Variants in GIGYF1 observed in about 807,000 individuals in gnomAD.
GIGYF1 encodes the protein GRB10-interacting GYF protein 1.
A neutral mutation model predicts 147.1 loss-of-function variants in GIGYF1; 84 were observed. The ratio of observed to expected loss-of-function variants is 0.57; its 90% CI spans 0.48 to 0.68. The LOEUF is 0.68. Among genes scored for constraint, GIGYF1 ranks in the 30% least tolerant of loss-of-function variants. The pLI, the probability that GIGYF1 is intolerant of heterozygous loss-of-function variation, is 0.00. For missense variants in GIGYF1, 1,485 were observed against 1,393.7 expected, an observed-to-expected ratio of 1.07 and a Z score of -1.04; for synonymous variants, 752 against 589.5, an observed-to-expected ratio of 1.28 and a Z score of -3.99.
chr7:100,688,367 A>T, intron 3 of GIGYF1, 60 bp from the exon 4 acceptor site: 1 of 808,774 alleles, frequency 1.2e-6, no homozygotes, highest in Non-Finnish European at 2.0e-6. Context: ...AAGCGCAGGG[A>T]GGACACCATG....
chr7:100,693,736 G>A (rs928054616), intron 1 of GIGYF1, among the ~76,000 whole-genome samples: 1 of 151,884 alleles, frequency 6.6e-6, no homozygotes, highest in Non-Finnish European at 1.5e-5. Context: ...CGACCGTTAG[G>A]AGCGCGGGGG....
At chr7:100,682,822 A>T in intron 22 of GIGYF1, 45 bp from the exon 23 acceptor site, 1 of 1,501,244 alleles carries the variant, frequency 6.7e-7, no homozygotes, top group Non-Finnish European at 8.9e-7. Flanking sequence ...AAGGCACCCC[A>T]GAAAAGCGGA....
At position 100,694,220 on chromosome 7, in the gene GIGYF1, G is replaced by A; in HGVS notation, c.-1209C>T. On this transcript the variant is annotated 5_prime_UTR_variant, in exon 1 of 27. Coordinates refer to ENST00000678049, the MANE Select transcript of GIGYF1 (RefSeq NM_001375765.1). ...GGGAGGGGGCGCTGGCGCTCCCGCGGCGGCCGCTCCTCTGTGTTTGTGTTT... is the reference window on the plus strand; with the variant it reads ...GGGAGGGGGCGCTGGCGCTCCCGCGACGGCCGCTCCTCTGTGTTTGTGTTT... Among the ~76,000 whole-genome samples the A allele has an allele frequency of 6.8e-6, 1 of 146,082 alleles. No homozygotes were observed. The highest frequency in any genetic ancestry group is 2.0e-4 in the East Asian group (1 of 5,058).
rs1806058139 is a variant in GIGYF1, at chr7:100,694,127, T to G, written c.-1116A>C. ...GCGCTTACCGCGGGCGGCGCGAGGG[T>G]CCGGTCCCGGGGCGTGGGCGGCGCG... On this transcript the variant is annotated 5_prime_UTR_variant, in exon 1 of 27. Coordinates refer to ENST00000678049, the MANE Select transcript of GIGYF1 (RefSeq NM_001375765.1). The G allele has an allele frequency of 7.1e-6, 1 of 140,282 alleles. No individual in the cohort carries two copies. The highest frequency in any genetic ancestry group is 2.6e-5 in the African/African-American group (1 of 38,250). 8.7% of individuals were successfully genotyped at this position (140,282 alleles called of 1,614,324 possible).
intron 1 of GIGYF1, among the ~76,000 whole-genome samples, chr7:100,691,506 A>AT (rs373899398): frequency 1.0e-4 from 15 of 147,686 alleles, no homozygotes; most frequent in East Asian, 4.0e-4. Context: ...AAAAGAATAG[A>AT]TTTTTTTTTT....
At chr7:100,686,962 G>A in intron 9 of GIGYF1, 44 bp downstream of exon 9, 1 of 1,610,876 alleles carries the variant, frequency 6.2e-7, no homozygotes. Flanking sequence ...CACCCATCTT[G>A]GTCCTCCCTG....
Position 100,683,892 on chromosome 7 carries a change from G to C in GIGYF1, c.1895C>G (p.Thr632Arg). The C allele has an allele frequency of 6.4e-7, 1 of 1,555,222 alleles. No individual in the cohort carries two copies. The highest frequency in any genetic ancestry group is 8.7e-7 in the Non-Finnish European group (1 of 1,149,024). Residue 632 changes from threonine (T) to arginine (R), a missense_variant, in exon 19 of 27, where the codon ACG becomes AGG. Physicochemically the swap from Thr to Arg is moderately conservative, Grantham distance 71 (BLOSUM62 -1). Transcript: ENST00000678049. ...TGGCACCGACAAGGACCGGCTCATC[G>C]TCGGGAGCAGGTTCTGGTCCCCGCC... is the stretch of plus-strand genomic sequence containing the variant. ...PRGGDQNLLP[T>R]MSRSLSVPDS...
chr7:100,686,024 T>C lies in GIGYF1; in HGVS notation c.1004A>G (p.Glu335Gly). The C allele has an allele frequency of 6.2e-7, 1 of 1,610,322 alleles. No individual in the cohort carries two copies. Among genetic ancestry groups the C allele is most frequent in the Non-Finnish European group, 8.5e-7 (1 of 1,179,110 alleles). The change falls in exon 12 of 27, where the codon GAG (glutamate) becomes GGG (glycine). Residue 335 changes from glutamate (E) to glycine (G), a missense_variant. Coordinates refer to ENST00000678049, the MANE Select transcript of GIGYF1 (RefSeq NM_001375765.1). ...EEQELDFQGL[E>G]EEEEPSEGLE... ...CCCTTCGGAAGGTTCCTCCTCCTCC[T>C]CCAACCCTTGGAAGTCCAGCTCCTG...
At chr7:100,692,697 A>G (rs903724492) in intron 1 of GIGYF1, among the ~76,000 whole-genome samples, 2 of 152,230 alleles carry the variant, frequency 1.3e-5, no homozygotes, top group Non-Finnish European at 2.9e-5. Context: ...AAGTTTAAGC[A>G]CATGGTCCAC....
rs767607568 is a variant in GIGYF1, at chr7:100,687,836, G to A, written c.213C>T (p.Asp71=). 54 of 1,611,284 alleles carry A rather than the reference G, an allele frequency of 3.4e-5. No individual in the cohort carries two copies. Among genetic ancestry groups the A allele is most frequent in the South Asian group, 1.4e-4 (13 of 91,030 alleles). Residue 71 remains aspartate (D), a synonymous_variant, in exon 6 of 27, where the codon GAC becomes GAT. Coordinates refer to ENST00000678049, the MANE Select transcript of GIGYF1 (RefSeq NM_001375765.1). ...CCAGAGCCAGGGGCTGCAGTGGCTC[G>A]TCCTGCAGCACCGCGGCGAACTCCT... is the stretch of plus-strand genomic sequence containing the variant. ...QDKEFAAVLQ[D]EPLQPLALEP...
chr7:100,685,574 C>A lies in GIGYF1; in HGVS notation c.1055-93G>T. On this transcript the variant is annotated intron_variant, in intron 12 of 26. Transcript: ENST00000678049. ...CTTGAGTGTGGCTGGAACCGCGGGT[C>A]ACACTCCCTTAGGCCGAGTCCACCA... The A allele has an allele frequency of 2.1e-6, 3 of 1,417,390 alleles. No individual in the cohort carries two copies. The South Asian group carries it at 3.8e-5, about 18-fold the overall frequency. The allele number at this position is 1,417,390 out of a possible 1,614,324, so 87.8% of individuals were successfully genotyped here. A position where few individuals can be genotyped will look rare whatever the true frequency, so the allele number is the denominator to read the frequency against.
At chr7:100,684,646 C>G in intron 15 of GIGYF1, 30 bp from the exon 16 acceptor site, 2 of 1,613,640 alleles carry the variant, frequency 1.2e-6, no homozygotes, top group Non-Finnish European at 1.7e-6. Flanking sequence ...GCGGGAGAAC[C>G]ACTGGGGTCA....
chr7:100,686,762 T>C lies in GIGYF1; in HGVS notation c.581A>G (p.Asp194Gly). Residue 194 changes from aspartate to glycine, a missense_variant, in exon 10 of 27, where the codon GAC becomes GGC. By Grantham distance (94) the Asp-to-Gly change is moderately conservative. Transcript: ENST00000678049. ...CCGTAGGGAGCGCCAGTTCTCGCTG[T>C]CTGAGCGGGCGTGCTCCTTCCTTGG... ...AGPRKEHARS[D>G]SENWRSLREE... 1 of 1,614,030 alleles carries C rather than the reference T, an allele frequency of 6.2e-7. No homozygotes were observed. The highest frequency in any genetic ancestry group is 1.1e-5 in the South Asian group (1 of 91,084).
chr7:100,683,556 T>C lies in GIGYF1; in HGVS notation c.2046A>G (p.Gln682=). The C allele has an allele frequency of 6.2e-7, 1 of 1,614,182 alleles. No homozygotes were observed. The highest frequency in any genetic ancestry group is 8.5e-7 in the Non-Finnish European group (1 of 1,179,974). ...CCCCAGGATGCCCACTCACTTTATGTTGCAGCTGGAGTTGTTCTAGAATTG... is the reference window on the plus strand; with the variant it reads ...CCCCAGGATGCCCACTCACTTTATGCTGCAGCTGGAGTTGTTCTAGAATTG... ...QGPILEQLQL[Q]HKFQERREVE... The change falls in exon 20 of 27, where the codon CAA becomes CAG. Residue 682 remains glutamine (Q), a synonymous_variant. Coordinates refer to ENST00000678049, the MANE Select transcript of GIGYF1 (RefSeq NM_001375765.1).
rs777870724 is a variant in GIGYF1, at chr7:100,682,250, A to G, written c.2762-15T>C. 5 of 1,609,190 alleles carry G rather than the reference A, an allele frequency of 3.1e-6. No homozygotes were observed. The South Asian group carries it at 5.5e-5, about 18-fold the overall frequency. Reference sequence around the variant, plus strand: ...AGCCATGGGCACTGCAGGATGAGCGAAGGCTGTCAGGGCCCCCTGGCCGGG... The same window carrying G: ...AGCCATGGGCACTGCAGGATGAGCGGAGGCTGTCAGGGCCCCCTGGCCGGG... On this transcript the variant is annotated splice_polypyrimidine_tract_variant and intron_variant, in intron 24 of 26. Transcript: ENST00000678049.
At chr7:100,690,810 C>T (rs1805771239) in intron 1 of GIGYF1, among the ~76,000 whole-genome samples, 3 of 141,742 alleles carry the variant, frequency 2.1e-5, no homozygotes, top group South Asian at 2.3e-4. Flanking sequence ...AAATTTAAAG[C>T]GATGGCCTCA....
chr7:100,687,779 CG>C lies in GIGYF1; in HGVS notation c.261+8del. 2 of 1,611,366 alleles carry C rather than the reference CG, an allele frequency of 1.2e-6. No homozygotes were observed. The highest frequency in any genetic ancestry group is 1.7e-6 in the Non-Finnish European group (2 of 1,179,570). On this transcript the variant is annotated splice_region_variant and intron_variant, in intron 6 of 26. Transcript: ENST00000678049. ...GCTCCCGCAGCCTCAGCTCCTGGCCCGGTCCCACCTGTTCCTCCTCAGTCAG... is the reference window on the plus strand; with the variant it reads ...GCTCCCGCAGCCTCAGCTCCTGGCCCGTCCCACCTGTTCCTCCTCAGTCAG...
Position 100,681,621 on chromosome 7 carries a change from T to G in GIGYF1, c.*98A>C, listed in dbSNP as rs1804776335. 3.3e-6 allele frequency: 4 copies of G among 1,196,578 alleles called. No homozygotes were observed. Among genetic ancestry groups the G allele is most frequent in the Admixed American group, 5.5e-5 (2 of 36,554 alleles). 74.1% of individuals were successfully genotyped at this position (1,196,578 alleles called of 1,614,324 possible). ...TGCTGGGGACCCCGCCCCTGCCTCT[T>G]CCTGTGCTCTCTGCGGGGAGCCTGC... On this transcript the variant is annotated 3_prime_UTR_variant, in exon 27 of 27. Coordinates refer to ENST00000678049, the MANE Select transcript of GIGYF1 (RefSeq NM_001375765.1).
chr7:100,683,875 A>G lies in GIGYF1; in HGVS notation c.1912T>C (p.Ser638Pro). The G allele has an allele frequency of 6.4e-7, 1 of 1,559,810 alleles. No homozygotes were observed. Among genetic ancestry groups the G allele is most frequent in the Non-Finnish European group, 8.7e-7 (1 of 1,151,444 alleles). The change falls in exon 19 of 27, where the codon TCG becomes CCG. Residue 638 changes from serine (S) to proline (P), a missense_variant. By Grantham distance (74) the Ser-to-Pro change is moderately conservative. Transcript: ENST00000678049. ...NLLPTMSRSL[S>P]VPDSGRLWDV... ...CAGAGGCGGCCCGAATCTGGCACCG[A>G]CAAGGACCGGCTCATCGTCGGGAGC...
Sources: gnomAD v4.1 joint callset for allele counts (sites outside exome capture counted in the v4.1 genomes callset) on GRCh38, gnomAD v4.1.1 for gene constraint, MANE v1.5 for transcripts, NCBI Gene and HGNC (gene_info 2026-07-23, HGNC 2026-07-21) for gene names.